TNRC6A: variants seen among roughly 807,000 people sequenced by gnomAD.
The protein encoded by TNRC6A is trinucleotide repeat-containing gene 6A protein.
In TNRC6A, 44 loss-of-function variants were observed where a neutral mutation model predicts 221.2. The observed-to-expected ratio is 0.20, with a 90% CI of 0.16 to 0.26. The LOEUF is 0.26. Ranked by LOEUF, TNRC6A falls within the 10% of genes least tolerant of loss-of-function variation. The pLI is 1.00. For synonymous variants in TNRC6A, 847 were observed against 838.5 expected, an observed-to-expected ratio of 1.01 and a Z score of -0.18; for missense variants, 2,199 against 2,404.4, an observed-to-expected ratio of 0.91 and a Z score of 1.79.
rs142572938 is a variant in TNRC6A at position 24,748,495 on chromosome 16, G to A, written c.54-2231G>A. The stretch of plus-strand genomic sequence containing the variant: ...AGGAATCTGTTATGTTACTCCATTA[G>A]CCACATGACACTTCTGCTTGTAACA... On this transcript the variant is annotated intron_variant, in intron 2 of 24. Transcript: ENST00000395799. Among the ~76,000 whole-genome samples, 5 of 152,182 alleles carry A rather than the reference G, an allele frequency of 3.3e-5. No homozygotes were observed. In the East Asian group the frequency reaches 9.7e-4, roughly 29 times the overall value.
intron 19 of TNRC6A, chr16:24,816,559 A>G (rs2058662996): frequency 4.9e-6 from 2 of 406,648 alleles, no homozygotes; most frequent in Non-Finnish European, 8.9e-6. Flanking sequence ...ACGTATGTGT[A>G]TATGTTACGT....
chr16:24,720,319 T>G (rs914442006), intron 2 of TNRC6A, among the ~76,000 whole-genome samples: 1 of 151,838 alleles, frequency 6.6e-6, no homozygotes, highest in African/African-American at 2.4e-5. Context: ...GGACGATCAC[T>G]TAAGCCTGGG....
chr16:24,776,227 T>TAA, intron 4 of TNRC6A: 1 of 978,352 alleles, frequency 1.0e-6, no homozygotes, highest in Non-Finnish European at 1.2e-6. Flanking sequence ...CTTTCCACTC[T>TAA]TTTATGAGTC....
In TNRC6A at chr16:24,820,169, C is replaced by G; in HGVS notation, c.5111C>G (p.Ser1704Cys). 6.2e-7 allele frequency: 1 copy of G among 1,614,136 alleles called. No individual in the cohort carries two copies. The highest frequency in any genetic ancestry group is 8.5e-7 in the Non-Finnish European group (1 of 1,180,036). ...AATAGTGATTCCAAATTGACATGGT[C>G]TCCTGGTTCAGTTACAAACACCTCT... ...ARNSDSKLTW[S>C]PGSVTNTSLA... is the part of the protein sequence containing the mutation. The change falls in exon 22 of 25, where the codon TCT becomes TGT. Residue 1704 changes from serine (S) to cysteine (C), a missense_variant. By Grantham distance (112) the Ser-to-Cys change is moderately radical. Transcript: ENST00000395799.
intron 4 of TNRC6A, among the ~76,000 whole-genome samples, chr16:24,765,942 TAACA>T (rs1293133893): frequency 6.6e-6 from 1 of 152,216 alleles, no homozygotes; most frequent in African/African-American, 2.4e-5. Flanking sequence ...GGATTATTTC[TAACA>T]AACGTAGATT....
At chr16:24,627,138 G>T (rs867798498) in intron 1 of TNRC6A, among the ~76,000 whole-genome samples, 1 of 151,936 alleles carries the variant, frequency 6.6e-6, no homozygotes, top group Admixed American at 6.6e-5. Flanking sequence ...ATTATCTGGG[G>T]TACTGCTCAC....
intron 2 of TNRC6A, among the ~76,000 whole-genome samples, chr16:24,673,666 C>A (rs996055663): frequency 1.3e-5 from 2 of 152,058 alleles, no homozygotes. Context: ...GTTTAGGTAA[C>A]CCTCCCACCT....
chr16:24,798,403 C>T (rs1365491064), intron 11 of TNRC6A, among the ~76,000 whole-genome samples: 1 of 152,122 alleles, frequency 6.6e-6, no homozygotes, highest in Non-Finnish European at 1.5e-5. Flanking sequence ...AAGGTCGGTG[C>T]TGAGTCATGA....
intron 5 of TNRC6A, among the ~76,000 whole-genome samples, chr16:24,781,405 C>T (rs75604796): frequency 0.033 from 5,037 of 152,174 alleles, 285 homozygotes; most frequent in African/African-American, 0.11. Flanking sequence ...CTCCCTCCCC[C>T]CTTTCAGTGT....
At chr16:24,635,006 C>A (rs149170441) in intron 1 of TNRC6A, among the ~76,000 whole-genome samples, 14,484 of 152,158 alleles carry the variant, frequency 0.095, 938 homozygotes, top group Non-Finnish European at 0.14. Context: ...GTTGCCCAGG[C>A]TGGTCTTGAA....
intron 4 of TNRC6A, among the ~76,000 whole-genome samples, chr16:24,759,812 A>G (rs1231158922): frequency 5.9e-5 from 9 of 152,196 alleles, no homozygotes; most frequent in African/African-American, 1.7e-4. Flanking sequence ...CTGGCAACTG[A>G]TGAGATCAGA....
intron 4 of TNRC6A, among the ~76,000 whole-genome samples, chr16:24,763,069 A>C (rs2057397220): frequency 6.6e-6 from 1 of 152,050 alleles, no homozygotes; most frequent in African/African-American, 2.4e-5. Flanking sequence ...ATTGGCTCTT[A>C]AATTGTTTAT....
chr16:24,758,753 C>T (rs1001128294), intron 4 of TNRC6A, among the ~76,000 whole-genome samples: 1 of 152,138 alleles, frequency 6.6e-6, no homozygotes, highest in Admixed American at 6.5e-5. Context: ...TTCTTGTTCT[C>T]TGAAGAATGT....
chr16:24,701,507 C>T (rs894578330), intron 2 of TNRC6A, among the ~76,000 whole-genome samples: 13 of 152,096 alleles, frequency 8.5e-5, no homozygotes, highest in African/African-American at 2.9e-4. Context: ...GCTGGGACTA[C>T]AGGCGCATGC....
chr16:24,730,489 C>T (rs1019897212), intron 2 of TNRC6A, among the ~76,000 whole-genome samples, 189 bp downstream of exon 2: 77 of 127,522 alleles, frequency 6.0e-4, no homozygotes, highest in Middle Eastern at 8.5e-3. Flanking sequence ...GCGTGTGTTT[C>T]TTTCTTTAAA....
Position 24,791,008 on chromosome 16 carries a change from C to T in TNRC6A, c.2366C>T (p.Ala789Val). 1 of 1,592,680 alleles carries T rather than the reference C, an allele frequency of 6.3e-7. No individual in the cohort carries two copies. Among genetic ancestry groups the T allele is most frequent in the Non-Finnish European group, 8.6e-7 (1 of 1,169,432 alleles). Reference protein sequence around the residue: ...SVSGWGDPKPALRWGDSKGSN... With the variant: ...SVSGWGDPKPVLRWGDSKGSN... The stretch of plus-strand genomic sequence containing the variant: ...TCAGGGTGGGGCGATCCCAAACCTG[C>T]TCTGAGGTGGGGAGATTCCAAAGGC... Residue 789 changes from alanine to valine, a missense_variant, in exon 6 of 25, where the codon GCT (alanine) becomes GTT (valine). Ala to Val is a moderately conservative substitution (Grantham distance 64). Around this residue, in one of 8 missense-constraint regions of TNRC6A, gnomAD observed 1,405 missense variants for 1,400.2 expected, o/e 1.00. Transcript: ENST00000395799.
chr16:24,738,373 G>A (rs2056816735), intron 2 of TNRC6A, among the ~76,000 whole-genome samples: 1 of 152,134 alleles, frequency 6.6e-6, no homozygotes, highest in Admixed American at 6.5e-5. Context: ...TCACAGAGTT[G>A]TGCAATCAGC....
chr16:24,738,089 C>T (rs899424898), intron 2 of TNRC6A, among the ~76,000 whole-genome samples: 4 of 152,224 alleles, frequency 2.6e-5, no homozygotes, highest in Non-Finnish European at 4.4e-5. Context: ...AGCCACGTTT[C>T]TGAGGCCTGT....
At chr16:24,651,709 A>G (rs1348867992) in intron 2 of TNRC6A, among the ~76,000 whole-genome samples, 1 of 151,330 alleles carries the variant, frequency 6.6e-6, no homozygotes, top group Non-Finnish European at 1.5e-5. Context: ...CCATCTTAAC[A>G]AAAGAAAAAG....
Sources: allele counts gnomAD v4.1 joint callset (sites outside exome capture counted in the v4.1 genomes callset), GRCh38; gene constraint gnomAD v4.1.1; regional missense constraint gnomAD v4.1.1; transcripts MANE v1.5; gene names NCBI Gene and HGNC (gene_info 2026-07-23, HGNC 2026-07-21).